MPI: variants seen among roughly 807,000 people sequenced by gnomAD.
MPI encodes the protein mannose phosphate isomerase, also known as mannose-6-phosphate isomerase.
A neutral mutation model predicts 40.1 loss-of-function variants in MPI; 33 were observed. That is an observed-to-expected ratio of 0.82 (90% CI 0.62 to 1.10). The LOEUF (loss-of-function observed/expected upper bound fraction) is 1.10. Among genes scored for constraint, MPI ranks in the 50% least tolerant of loss-of-function variants. The pLI is 0.00. For synonymous variants in MPI, 187 were observed against 207.4 expected (o/e 0.90, Z 0.85); for missense variants, 514 against 524.1 (o/e 0.98, Z 0.19).
At chr15:74,896,965 C>G in intron 6 of MPI, 46 bp from the exon 7 acceptor site, 1 of 1,589,996 alleles carries the variant, frequency 6.3e-7, no homozygotes, top group South Asian at 1.1e-5. Flanking sequence ...AACTGGAGAG[C>G]TAAGGCATAC....
At chr15:74,894,071 TGTGTGTGTGTGTGTGTGTGTGTGTGTG>T (rs1265371160) in intron 5 of MPI, among the ~76,000 whole-genome samples, 1,224 of 61,566 alleles carry the variant, frequency 0.02, 37 homozygotes, top group African/African-American at 0.066. Context: ...TGTGTGTGTG[TGTGTGTGTGTGTGTGTGTGTGTGTGTG>T]TGTGTGTGTG....
rs534836148 is a variant in MPI at position 74,899,272 on chromosome 15, C to T, written c.*1542C>T. 6.6e-6 allele frequency: 1 copy of T among 152,178 alleles called. No individual in the cohort carries two copies. Among genetic ancestry groups the T allele is most frequent in the Admixed American group, 6.5e-5 (1 of 15,280 alleles). The allele number at this position is 152,178 out of a possible 1,614,324, so 9.4% of individuals were successfully genotyped here. A position where few individuals can be genotyped will look rare whatever the true frequency, so the allele number is the denominator to read the frequency against. ...TAATCACTTAGTCCACTGGCTCCTTCCTGTGGGATAAAGGTTTAAATTCAT... is the reference window on the plus strand; with the variant it reads ...TAATCACTTAGTCCACTGGCTCCTTTCTGTGGGATAAAGGTTTAAATTCAT... On this transcript the variant is annotated 3_prime_UTR_variant, in exon 8 of 8. Coordinates refer to ENST00000352410, the MANE Select transcript of MPI (RefSeq NM_002435.3).
At chr15:74,893,424 C>G in intron 5 of MPI, 104 bp downstream of exon 5, 1 of 1,345,732 alleles carries the variant, frequency 7.4e-7, no homozygotes, top group Non-Finnish European at 1.1e-6. Context: ...CCAAGTGGAA[C>G]ACTAAAAGGG....
In MPI at chr15:74,890,408, T is replaced by C. The variant is rs2064706459; in HGVS notation, c.17-119T>C. On this transcript the variant is annotated intron_variant, in intron 1 of 7. Coordinates refer to ENST00000352410, the MANE Select transcript of MPI (RefSeq NM_002435.3). Reference sequence around the variant, plus strand: ...CGGAGGGGGGTCTCATCCAACAGCCTACAAAACCCTTATTTGACTCTGTCC... The same window carrying C: ...CGGAGGGGGGTCTCATCCAACAGCCCACAAAACCCTTATTTGACTCTGTCC... The C allele has an allele frequency of 5.8e-6, 8 of 1,388,610 alleles. No individual in the cohort carries two copies. In the East Asian group the frequency reaches 1.9e-4, roughly 33 times the overall value. 86.0% of individuals were successfully genotyped at this position (1,388,610 alleles called of 1,614,324 possible). A position where few individuals can be genotyped will look rare whatever the true frequency, so the allele number is the denominator to read the frequency against.
chr15:74,897,642 T>G lies in MPI; in HGVS notation c.1184T>G (p.Val395Gly). The stretch of plus-strand genomic sequence containing the variant: ...CCAATCCCTCTGCAACGTGGTGGCG[T>G]GCTCTTCATTGGGGCCAATGAGAGT... Reference protein sequence around the residue: ...QTPIPLQRGGVLFIGANESVS... With the variant: ...QTPIPLQRGGGLFIGANESVS... The change falls in exon 8 of 8, where the codon GTG becomes GGG. Residue 395 changes from valine (V) to glycine (G), a missense_variant. By Grantham distance (109) the Val-to-Gly change is moderately radical. Transcript: ENST00000352410. 2 of 1,614,196 alleles carry G rather than the reference T, an allele frequency of 1.2e-6. No individual in the cohort carries two copies. Among genetic ancestry groups the G allele is most frequent in the South Asian group, 1.1e-5 (1 of 91,084 alleles).
At chr15:74,890,247 T>G (rs2064703858) in intron 1 of MPI, 158 bp downstream of exon 1, 2 of 1,116,838 alleles carry the variant, frequency 1.8e-6, no homozygotes, top group African/African-American at 3.1e-5. Context: ...GGGATTGACC[T>G]CCGAGGGGAG....
chr15:74,896,893 A>G, intron 6 of MPI, 118 bp from the exon 7 acceptor site: 1 of 916,452 alleles, frequency 1.1e-6, no homozygotes, highest in Non-Finnish European at 1.8e-6. Context: ...AGAGAATACA[A>G]TTCATGGAAA....
rs1484738202 is a variant in MPI, at chr15:74,900,722, G to C, written c.*2992G>C. On this transcript the variant is annotated 3_prime_UTR_variant, in exon 8 of 8. Coordinates refer to ENST00000352410, the MANE Select transcript of MPI (RefSeq NM_002435.3). ...CTCAGAATGTTGGCCACTGCATAGA[G>C]CTGCAGAGTCCCATTCCAGAACAGA... The C allele has an allele frequency of 6.6e-6, 1 of 152,258 alleles. No homozygotes were observed. Among genetic ancestry groups the C allele is most frequent in the Non-Finnish European group, 1.5e-5 (1 of 68,064 alleles). The allele number at this position is 152,258 out of a possible 1,614,324, so 9.4% of individuals were successfully genotyped here.
chr15:74,890,434 C>A, intron 1 of MPI, 93 bp from the exon 2 acceptor site: 2 of 1,552,244 alleles, frequency 1.3e-6, no homozygotes, highest in South Asian at 2.2e-5. Flanking sequence ...GACTCTGTCC[C>A]CAGTGAGCAC....
intron 1 of MPI, 121 bp from the exon 2 acceptor site, chr15:74,890,406 C>A (rs1596440522): frequency 7.5e-7 from 1 of 1,337,470 alleles, no homozygotes; most frequent in Non-Finnish European, 1.1e-6. Flanking sequence ...CATCCAACAG[C>A]CTACAAAACC....
intron 5 of MPI, among the ~76,000 whole-genome samples, chr15:74,894,923 C>T (rs2064794794): frequency 6.6e-6 from 1 of 152,070 alleles, no homozygotes; most frequent in South Asian, 2.1e-4. Flanking sequence ...CATTCTGCCT[C>T]ATGCTCTCTG....
rs1465206511 is a variant in MPI at position 74,898,515 on chromosome 15, G to A, written c.*785G>A. On this transcript the variant is annotated 3_prime_UTR_variant, in exon 8 of 8. Coordinates refer to ENST00000352410, the MANE Select transcript of MPI (RefSeq NM_002435.3). ...CTCAAAGGATACACCAGTCACCAGT[G>A]CAAGACTCTTCGCTCCTGTTTTTCT... 1.3e-5 allele frequency: 2 copies of A among 151,728 alleles called. No homozygotes were observed. Among genetic ancestry groups the A allele is most frequent in the Non-Finnish European group, 1.5e-5 (1 of 68,480 alleles). The allele number at this position is 151,728 out of a possible 1,614,324, so 9.4% of individuals were successfully genotyped here.
At position 74,896,228 on chromosome 15, in the gene MPI, C is replaced by A. The variant is rs778875616; in HGVS notation, c.747C>A (p.Ile249=). Residue 249 remains isoleucine (I), a synonymous_variant, in exon 6 of 8, where the codon ATC becomes ATA. Coordinates refer to ENST00000352410, the MANE Select transcript of MPI (RefSeq NM_002435.3). The part of the protein sequence containing the change: ...LQLHQQYPGD[I]GCFAIYFLNL... ...TGCACCAGCAGTACCCAGGTGATATCGGCTGCTTTGCCATCTACTTCCTGA... is the reference window on the plus strand; with the variant it reads ...TGCACCAGCAGTACCCAGGTGATATAGGCTGCTTTGCCATCTACTTCCTGA... The A allele has an allele frequency of 2.5e-6, 4 of 1,614,022 alleles. No individual in the cohort carries two copies. Among genetic ancestry groups the A allele is most frequent in the African/African-American group, 1.3e-5 (1 of 74,896 alleles).
Position 74,901,870 on chromosome 15 carries a change from A to G in MPI, c.*4140A>G. 1 of 369,498 alleles carries G rather than the reference A, an allele frequency of 2.7e-6. No individual in the cohort carries two copies. Among genetic ancestry groups the G allele is most frequent in the Non-Finnish European group, 4.8e-6 (1 of 208,446 alleles). 22.9% of individuals were successfully genotyped at this position (369,498 alleles called of 1,614,324 possible). ...TGAAGAAACTCACCCAGACCAAGGA[A>G]ATACAAATAAATAAATATGAACATG... On this transcript the variant is annotated 3_prime_UTR_variant, in exon 8 of 8. Transcript: ENST00000352410.
At chr15:74,890,368 C>A in intron 1 of MPI, 159 bp from the exon 2 acceptor site, 1 of 981,158 alleles carries the variant, frequency 1.0e-6, no homozygotes, top group Non-Finnish European at 1.5e-6. Flanking sequence ...CAGTTGGGAA[C>A]ATCGAGGCCT....
intron 4 of MPI, 68 bp downstream of exon 4, chr15:74,892,870 G>C: frequency 6.2e-7 from 1 of 1,610,366 alleles, no homozygotes; most frequent in Non-Finnish European, 8.5e-7. Flanking sequence ...AAGATGATAG[G>C]AACAGTGGCT....
intron 5 of MPI, among the ~76,000 whole-genome samples, chr15:74,894,623 CA>C (rs199794406): frequency 7.4e-4 from 94 of 126,812 alleles, no homozygotes; most frequent in Admixed American, 6.3e-4. Context: ...GACTCTGTCT[CA>C]AAAAAAAAAA....
rs1439270419 is a variant in MPI at position 74,891,544 on chromosome 15, G to T, written c.310G>T (p.Glu104Ter). 1 of 1,614,188 alleles carries T rather than the reference G, an allele frequency of 6.2e-7. No individual in the cohort carries two copies. Among genetic ancestry groups the T allele is most frequent in the Non-Finnish European group, 8.5e-7 (1 of 1,180,034 alleles). Reference protein sequence around the residue: ...LPFLFKVLSVETPLSIQAHPN... With the variant: ...LPFLFKVLSV ...CTTCCTCTTCAAAGTGCTCTCAGTT[G>T]AAACACCCCTGTCCATCCAGGCACA... The change falls in exon 3 of 8, where the codon GAA becomes TAA. Residue 104 changes from glutamate (E) to a stop codon, truncating the protein, a stop_gained. Transcript: ENST00000352410. LOFTEE classifies it high-confidence loss of function.
chr15:74,896,903 ATTT>A, intron 6 of MPI, 105 bp from the exon 7 acceptor site: 7 of 1,031,376 alleles, frequency 6.8e-6, no homozygotes, highest in Non-Finnish European at 1.1e-5. Flanking sequence ...ATTCATGGAA[ATTT>A]TTACCTAACT....
Sources: gnomAD v4.1 joint callset for allele counts (sites outside exome capture counted in the v4.1 genomes callset) on GRCh38, gnomAD v4.1.1 for gene constraint, MANE v1.5 for transcripts, NCBI Gene and HGNC (gene_info 2026-07-23, HGNC 2026-07-21) for gene names.